Variants in ANK3 observed in about 807,000 individuals in gnomAD.
ANK3 encodes ankyrin 3.
ANK3 carries 57 observed loss-of-function variants against 370.9 expected under a neutral mutation model. The observed-to-expected ratio is 0.15, with a 90% CI of 0.12 to 0.19. The LOEUF is 0.19. Ranked by LOEUF, ANK3 falls within the 10% of genes least tolerant of loss-of-function variation. The probability of loss-of-function intolerance (pLI) is 1.00; values close to 1 mark genes in which losing one functional copy is unlikely to be tolerated. For missense variants in ANK3, 4,439 were observed against 5,302.1 expected, an observed-to-expected ratio of 0.84 and a Z score of 5.06; for synonymous variants, 1,929 against 1,946.3, an observed-to-expected ratio of 0.99 and a Z score of 0.23.
intron 31 of ANK3, 142 bp downstream of exon 31, chr10:60,085,015 T>C (rs1482902759): frequency 3.8e-6 from 3 of 785,204 alleles, no homozygotes; most frequent in Non-Finnish European, 5.9e-6. Flanking sequence ...GTTTGTTATT[T>C]GAGGATAATT....
chr10:60,030,139 G>A (rs1413341315), intron 43 of ANK3, among the ~76,000 whole-genome samples: 1 of 151,476 alleles, frequency 6.6e-6, no homozygotes, highest in Non-Finnish European at 1.5e-5. Flanking sequence ...CAGACCACCT[G>A]GTTCAACTTT....
At chr10:60,713,527 A>C (rs1330797545) in intron 1 of ANK3, among the ~76,000 whole-genome samples, 1 of 151,852 alleles carries the variant, frequency 6.6e-6, no homozygotes, top group Admixed American at 6.6e-5. Context: ...TAAAATCAAT[A>C]ATCTAATCTA....
chr10:60,389,364 C>T, intron 1 of ANK3, 61 bp downstream of exon 1: 7 of 1,494,096 alleles, frequency 4.7e-6, no homozygotes, highest in East Asian at 2.3e-5. Flanking sequence ...TAACAGATGC[C>T]AGAGGGAGAT....
chr10:60,226,406 CAT>C (rs992743917), intron 8 of ANK3, among the ~76,000 whole-genome samples: 4 of 111,248 alleles, frequency 3.6e-5, no homozygotes, highest in Admixed American at 2.0e-4. Flanking sequence ...TATAGTATAA[CAT>C]ATATAACATA....
chr10:60,352,934 A>G (rs1218867973), intron 1 of ANK3, among the ~76,000 whole-genome samples: 1 of 152,086 alleles, frequency 6.6e-6, no homozygotes, highest in Non-Finnish European at 1.5e-5. Context: ...AGGGATGGAG[A>G]AAGAGAGAGA....
At chr10:60,689,851 A>C (rs1023954951) in intron 1 of ANK3, among the ~76,000 whole-genome samples, 4 of 152,040 alleles carry the variant, frequency 2.6e-5, no homozygotes, top group African/African-American at 9.7e-5. Flanking sequence ...AATTATGTTG[A>C]GGGAATAAAG....
intron 18 of ANK3, among the ~76,000 whole-genome samples, chr10:60,173,965 T>C (rs1020887498): frequency 2.0e-5 from 3 of 152,202 alleles, no homozygotes; most frequent in African/African-American, 4.8e-5. Flanking sequence ...GTGTTCATTA[T>C]AACATACTAC....
chr10:60,250,584 C>G lies in ANK3; in HGVS notation c.798+11275G>C, dbSNP rs1258687087. On this transcript the variant is annotated intron_variant, in intron 7 of 43. Transcript: ENST00000280772. Reference sequence around the variant, plus strand: ...GTTTCACCATGTTAGCCAGGATGGTCTCGATCTCCTGACCTTGTGATCTGC... The same window carrying G: ...GTTTCACCATGTTAGCCAGGATGGTGTCGATCTCCTGACCTTGTGATCTGC... Among the ~76,000 whole-genome samples the G allele has an allele frequency of 2.6e-5, 4 of 152,226 alleles. No individual in the cohort carries two copies. In the East Asian group the frequency reaches 7.7e-4, roughly 29 times the overall value.
intron 2 of ANK3, among the ~76,000 whole-genome samples, chr10:60,580,049 C>T (rs1216171381): frequency 2.6e-5 from 4 of 152,124 alleles, no homozygotes; most frequent in Non-Finnish European, 5.9e-5. Context: ...GTCATATTTA[C>T]CAAATTGATA....
At chr10:60,063,040 A>G (rs2080913076) in intron 40 of ANK3, 71 bp downstream of exon 40, 3 of 1,458,134 alleles carry the variant, frequency 2.1e-6, no homozygotes, top group African/African-American at 2.8e-5. Flanking sequence ...CTTTTAAGTG[A>G]CTGCCTTGTC....
intron 1 of ANK3, among the ~76,000 whole-genome samples, chr10:60,363,284 C>A (rs534437482): frequency 1.3e-5 from 2 of 152,082 alleles, no homozygotes; most frequent in African/African-American, 4.8e-5. Flanking sequence ...ATCACTAAAC[C>A]GAAATAGCAC....
chr10:60,059,291 T>G lies in ANK3; in HGVS notation c.12686+49A>C, dbSNP rs10733757. 0.79 allele frequency: 1,169,597 copies of G among 1,479,530 alleles called. 463,917 individuals are homozygous for G. The highest frequency in any genetic ancestry group is 0.92 in the East Asian group (40,877 of 44,216). The allele number at this position is 1,479,530 out of a possible 1,614,324, so 91.7% of individuals were successfully genotyped here. ...TAAAAAGCATGTATTTAAGATAAAC[T>G]ATTAACAAGTAACCTGTGTTCACTT... On this transcript the variant is annotated intron_variant, in intron 41 of 43. Transcript: ENST00000280772.
At chr10:60,717,923 C>T (rs916714753) in intron 1 of ANK3, among the ~76,000 whole-genome samples, 1 of 152,178 alleles carries the variant, frequency 6.6e-6, no homozygotes, top group Non-Finnish European at 1.5e-5. Context: ...GTAGAGTGAG[C>T]TACCAGCAAC....
intron 39 of ANK3, 89 bp from the exon 40 acceptor site, chr10:60,063,343 C>T: frequency 7.4e-7 from 1 of 1,360,492 alleles, no homozygotes; most frequent in Non-Finnish European, 9.8e-7. Context: ...GCTTTTGCAG[C>T]CCTGCTGACA....
intron 25 of ANK3, among the ~76,000 whole-genome samples, chr10:60,130,184 G>T (rs139146180): frequency 3.3e-4 from 51 of 152,290 alleles, no homozygotes; most frequent in Admixed American, 1.4e-3. Flanking sequence ...GGCTCAACAG[G>T]GGGTGGAGAT....
chr10:60,182,160 A>G (rs1273983615), intron 17 of ANK3, among the ~76,000 whole-genome samples: 1 of 151,992 alleles, frequency 6.6e-6, no homozygotes, highest in Non-Finnish European at 1.5e-5. Flanking sequence ...TATTTAAATG[A>G]TATCTGTTTA....
intron 16 of ANK3, among the ~76,000 whole-genome samples, chr10:60,192,649 A>T (rs1018366009): frequency 6.6e-6 from 1 of 152,186 alleles, no homozygotes; most frequent in Non-Finnish European, 1.5e-5. Flanking sequence ...ATGTGTGCAC[A>T]TGGACATAAA....
At chr10:60,521,006 C>T (rs1004605922) in intron 2 of ANK3, among the ~76,000 whole-genome samples, 2 of 151,810 alleles carry the variant, frequency 1.3e-5, no homozygotes, top group Admixed American at 6.6e-5. Context: ...CAGCAGCCAA[C>T]CAGCCATTAT....
At chr10:60,163,483 A>G (rs2095547210) in intron 23 of ANK3, among the ~76,000 whole-genome samples, 1 of 152,282 alleles carries the variant, frequency 6.6e-6, no homozygotes, top group Non-Finnish European at 1.5e-5. Context: ...ACCTTATTAA[A>G]TGATAACATT....
Sources: allele counts gnomAD v4.1 joint callset (sites outside exome capture counted in the v4.1 genomes callset), GRCh38; gene constraint gnomAD v4.1.1; transcripts MANE v1.5; gene names NCBI Gene and HGNC (gene_info 2026-07-23, HGNC 2026-07-21).